Variants in LRFN2 observed in about 807,000 individuals in gnomAD.
LRFN2 encodes leucine rich repeat and fibronectin type III domain containing 2.
In LRFN2, 18 loss-of-function variants were observed where a neutral mutation model predicts 37.3. The ratio of observed to expected loss-of-function variants is 0.48; its 90% CI spans 0.33 to 0.72. The LOEUF is 0.72. LRFN2 is among the 30% of genes least tolerant of loss of function. The pLI is 0.02. For synonymous variants in LRFN2, 556 were observed against 466.6 expected, an observed-to-expected ratio of 1.19 and a Z score of -2.47; for missense variants, 1,006 against 1,060.7, an observed-to-expected ratio of 0.95 and a Z score of 0.72.
chr6:40,466,752 C>T (rs992291984), intron 1 of LRFN2, among the ~76,000 whole-genome samples: 5 of 152,110 alleles, frequency 3.3e-5, no homozygotes, highest in African/African-American at 1.2e-4. Context: ...GTGTGCTTTA[C>T]TTATTGTTAT....
chr6:40,531,298 T>G (rs1391109759), intron 1 of LRFN2, among the ~76,000 whole-genome samples: 5 of 152,224 alleles, frequency 3.3e-5, no homozygotes, highest in African/African-American at 1.2e-4. Flanking sequence ...TGTTCATGAC[T>G]GTTGCTGTGT....
At chr6:40,485,237 AGT>A (rs1424668758) in intron 1 of LRFN2, among the ~76,000 whole-genome samples, 19 of 152,340 alleles carry the variant, frequency 1.2e-4, no homozygotes, top group African/African-American at 4.3e-4. Context: ...CTCCCAAGTC[AGT>A]GTGGAAATCT....
intron 1 of LRFN2, among the ~76,000 whole-genome samples, chr6:40,492,829 C>G (rs1007866005): frequency 5.3e-5 from 8 of 152,128 alleles, no homozygotes; most frequent in African/African-American, 1.9e-4. Context: ...GAGGGGGTCA[C>G]AGGAACACCC....
intron 1 of LRFN2, among the ~76,000 whole-genome samples, chr6:40,447,483 C>G (rs531031543): frequency 6.6e-6 from 1 of 152,106 alleles, no homozygotes; most frequent in African/African-American, 2.4e-5. Flanking sequence ...AAATGGGGAC[C>G]TGAGTTTAGA....
At chr6:40,535,100 T>A (rs940510746) in intron 1 of LRFN2, among the ~76,000 whole-genome samples, 2 of 152,160 alleles carry the variant, frequency 1.3e-5, no homozygotes, top group African/African-American at 4.8e-5. Context: ...CTTGGAGTCA[T>A]CCCAGAAAGC....
chr6:40,577,274 C>T (rs949984331), intron 1 of LRFN2, among the ~76,000 whole-genome samples: 9 of 151,804 alleles, frequency 5.9e-5, no homozygotes, highest in Admixed American at 5.9e-4. Flanking sequence ...GCTAATTTTT[C>T]GTATTTTAGT....
intron 1 of LRFN2, among the ~76,000 whole-genome samples, chr6:40,461,891 A>C (rs1022741799): frequency 1.3e-5 from 2 of 152,176 alleles, no homozygotes; most frequent in African/African-American, 4.8e-5. Flanking sequence ...CAATACAGAA[A>C]AATGTGGTCA....
intron 1 of LRFN2, among the ~76,000 whole-genome samples, chr6:40,583,758 C>T (rs568100649): frequency 1.9e-3 from 291 of 152,300 alleles, no homozygotes; most frequent in Middle Eastern, 0.014. Context: ...AGTTCAATCA[C>T]AACCCCTGCC....
chr6:40,471,887 T>C (rs1326963596), intron 1 of LRFN2, among the ~76,000 whole-genome samples: 1 of 152,050 alleles, frequency 6.6e-6, no homozygotes, highest in Non-Finnish European at 1.5e-5. Context: ...GCAAGCCCCT[T>C]GAGAGGGTGC....
intron 1 of LRFN2, among the ~76,000 whole-genome samples, chr6:40,547,795 C>G (rs1474433732): frequency 6.6e-6 from 1 of 152,186 alleles, no homozygotes; most frequent in Non-Finnish European, 1.5e-5. Context: ...CTCACATATT[C>G]TCTGGGGTCC....
rs574277280 is a variant in LRFN2, at chr6:40,537,759, A to G, written c.-19+49182T>C. On this transcript the variant is annotated intron_variant, in intron 1 of 2. Coordinates refer to ENST00000338305, the MANE Select transcript of LRFN2 (RefSeq NM_020737.3). ...CCACAGCCTCGGTGTCCAGTTAGGG[A>G]CTAAGGGGACTCCCTCAGTGTTAAA... Among the ~76,000 whole-genome samples the G allele has an allele frequency of 3.1e-3, 475 of 152,150 alleles. 2 individuals are homozygous for G. The highest frequency in any genetic ancestry group is 4.5e-3 in the Non-Finnish European group (308 of 67,990).
rs998909631 is a variant in LRFN2 at position 40,391,761 on chromosome 6, G to A, written c.*182C>T. On this transcript the variant is annotated 3_prime_UTR_variant, in exon 3 of 3. Transcript: ENST00000338305. ...GTCCACATTCCCTGAGCACACCCCGGCCGGGTGGTGGGGAGGTGATGTGGG... is the reference window on the plus strand; with the variant it reads ...GTCCACATTCCCTGAGCACACCCCGACCGGGTGGTGGGGAGGTGATGTGGG... 1 of 542,718 alleles carries A rather than the reference G, an allele frequency of 1.8e-6. No individual in the cohort carries two copies. Among genetic ancestry groups the A allele is most frequent in the Non-Finnish European group, 3.0e-6 (1 of 329,608 alleles). The allele number at this position is 542,718 out of a possible 1,614,324, so 33.6% of individuals were successfully genotyped here.
At chr6:40,457,718 C>T (rs936300863) in intron 1 of LRFN2, among the ~76,000 whole-genome samples, 4 of 150,848 alleles carry the variant, frequency 2.7e-5, no homozygotes, top group Non-Finnish European at 4.4e-5. Context: ...CCATGATTTA[C>T]CATGGGATCT....
At chr6:40,496,140 T>C (rs1314692855) in intron 1 of LRFN2, among the ~76,000 whole-genome samples, 1 of 152,120 alleles carries the variant, frequency 6.6e-6, no homozygotes, top group East Asian at 1.9e-4. Flanking sequence ...AGCCCATCTA[T>C]CCCTAAGTCT....
At chr6:40,459,944 G>A (rs1004621668) in intron 1 of LRFN2, among the ~76,000 whole-genome samples, 12 of 152,202 alleles carry the variant, frequency 7.9e-5, no homozygotes, top group African/African-American at 2.4e-4. Context: ...AACTAGGGAG[G>A]AAGAAATTCA....
At chr6:40,398,185 C>T (rs1222782771) in intron 2 of LRFN2, among the ~76,000 whole-genome samples, 1 of 151,734 alleles carries the variant, frequency 6.6e-6, no homozygotes, top group African/African-American at 2.4e-5. Context: ...AGGACAATCC[C>T]AGGACACCCC....
intron 1 of LRFN2, among the ~76,000 whole-genome samples, chr6:40,566,982 T>A (rs770194221): frequency 6.6e-6 from 1 of 152,198 alleles, no homozygotes; most frequent in Non-Finnish European, 1.5e-5. Context: ...ACTTAAAGTA[T>A]GTTGACAGTA....
intron 1 of LRFN2, among the ~76,000 whole-genome samples, chr6:40,461,248 A>C (rs1764341632): frequency 6.6e-6 from 1 of 152,050 alleles, no homozygotes; most frequent in African/African-American, 2.4e-5. Context: ...CTCTACAAAA[A>C]AATAAAAAAC....
chr6:40,407,576 G>A (rs571486061), intron 2 of LRFN2, among the ~76,000 whole-genome samples: 13 of 152,240 alleles, frequency 8.5e-5, no homozygotes, highest in Non-Finnish European at 1.2e-4. Context: ...TCTCCTGGAG[G>A]AGCTGAGAAG....
Sources: allele counts gnomAD v4.1 joint callset (sites outside exome capture counted in the v4.1 genomes callset), GRCh38; gene constraint gnomAD v4.1.1; transcripts MANE v1.5; gene names NCBI Gene and HGNC (gene_info 2026-07-23, HGNC 2026-07-21).